Variants in ANK2 observed in about 807,000 individuals in gnomAD.
ANK2 encodes the protein ankyrin-2.
ANK2 carries 83 observed loss-of-function variants against 360.5 expected under a neutral mutation model. The ratio of observed to expected loss-of-function variants is 0.23; its 90% CI spans 0.19 to 0.28. ANK2 has a LOEUF of 0.28. Among genes scored for constraint, ANK2 ranks in the 10% least tolerant of loss-of-function variants. The probability of loss-of-function intolerance (pLI) is 1.00; values close to 1 mark genes in which losing one functional copy is unlikely to be tolerated. For missense variants in ANK2, 4,201 were observed against 4,795.7 expected (o/e 0.88, Z 3.66); for synonymous variants, 1,740 against 1,759.5 (o/e 0.99, Z 0.28).
chr4:112,854,331 C>A (rs1233902982), intron 1 of ANK2, among the ~76,000 whole-genome samples: 1 of 152,168 alleles, frequency 6.6e-6, no homozygotes, highest in Non-Finnish European at 1.5e-5. Flanking sequence ...ATTGACGAAA[C>A]AATCTGGCAT....
intron 27 of ANK2, among the ~76,000 whole-genome samples, chr4:113,330,818 C>T (rs906724207): frequency 6.6e-5 from 10 of 152,294 alleles, no homozygotes; most frequent in Admixed American, 1.3e-4. Context: ...AAAAATTCTG[C>T]TCTGTTCCAA....
At chr4:113,306,501 C>T (rs1471730682) in intron 23 of ANK2, among the ~76,000 whole-genome samples, 1 of 152,122 alleles carries the variant, frequency 6.6e-6, no homozygotes. Context: ...ATGATGAAAA[C>T]ATTTAAAACT....
intron 2 of ANK2, among the ~76,000 whole-genome samples, chr4:112,922,355 GT>G (rs1187923283): frequency 1.3e-5 from 2 of 152,078 alleles, no homozygotes; most frequent in African/African-American, 2.4e-5. Flanking sequence ...CTGTGACTGG[GT>G]TTTTTTACTA....
chr4:112,844,598 C>T (rs2062872779), intron 1 of ANK2, among the ~76,000 whole-genome samples: 1 of 152,068 alleles, frequency 6.6e-6, no homozygotes, highest in African/African-American at 2.4e-5. Flanking sequence ...TTAAGAAACT[C>T]ACAAAAATAT....
rs543417708 is a variant in ANK2 at position 113,165,704 on chromosome 4, A to G, written c.85-8712A>G. 5.3e-5 allele frequency among the ~76,000 whole-genome samples: 8 copies of G among 152,236 alleles called. No homozygotes were observed. The East Asian group carries it at 9.6e-4, about 18-fold the overall frequency. ...GATAGACTCTTTGGGAAGGAATATT[A>G]ACTTTTGCTACAGAGTTTAATGGCT... On this transcript the variant is annotated intron_variant, in intron 1 of 45. Transcript: ENST00000357077.
At chr4:112,756,789 A>G in the ANK2 span, among the ~76,000 whole-genome samples, 1 of 152,174 alleles carries the variant, frequency 6.6e-6, no homozygotes, top group Non-Finnish European at 1.5e-5. Flanking sequence ...CCTGGCCAAC[A>G]TAGTACAACC....
the ANK2 span, among the ~76,000 whole-genome samples, chr4:112,734,648 G>A: frequency 1.2e-4 from 19 of 152,226 alleles, no homozygotes; most frequent in African/African-American, 4.3e-4. Flanking sequence ...GTATTCTTAT[G>A]CCACGTATAA....
intron 2 of ANK2, among the ~76,000 whole-genome samples, chr4:112,916,387 G>T (rs1408713025): frequency 1.3e-5 from 2 of 152,162 alleles, no homozygotes; most frequent in Non-Finnish European, 2.9e-5. Context: ...AGAATGTGGG[G>T]TTATTAATCA....
chr4:112,795,762 A>G, the ANK2 span, among the ~76,000 whole-genome samples: 107 of 150,004 alleles, frequency 7.1e-4, 1 homozygote, highest in Non-Finnish European at 1.4e-3. Context: ...TCAGCCTCCC[A>G]AAGTGCTGGG....
intron 2 of ANK2, among the ~76,000 whole-genome samples, chr4:112,936,935 G>A (rs1353238185): frequency 2.6e-5 from 4 of 152,026 alleles, no homozygotes; most frequent in Non-Finnish European, 5.9e-5. Flanking sequence ...CTACAGGCAT[G>A]CACCATCGTG....
Position 113,348,340 on chromosome 4 carries a change from C to T in ANK2, c.4404+32C>T, listed in dbSNP as rs187469234. 356 of 1,607,894 alleles carry T rather than the reference C, an allele frequency of 2.2e-4. 4 individuals are homozygous for T. The East Asian group carries it at 7.9e-3, about 36-fold the overall frequency. ...TTATGACAGTGTCACTTGTTATCGG[C>T]TGTGTCATTGCTGTAACCACTAATA... On this transcript the variant is annotated intron_variant, in intron 36 of 45. Transcript: ENST00000357077.
intron 2 of ANK2, among the ~76,000 whole-genome samples, chr4:112,949,531 G>T (rs2094792024): frequency 6.6e-6 from 1 of 152,176 alleles, no homozygotes; most frequent in Non-Finnish European, 1.5e-5. Flanking sequence ...ACACAAAAGA[G>T]TTTAATTCCA....
At chr4:113,343,241 CAG>C in intron 34 of ANK2, 99 bp downstream of exon 34, 1 of 1,310,454 alleles carries the variant, frequency 7.6e-7, no homozygotes, top group Admixed American at 2.1e-5. Context: ...CAGTCATCTT[CAG>C]AGTTTTCTTT....
chr4:112,990,800 G>C (rs2046476037), intron 2 of ANK2, among the ~76,000 whole-genome samples: 2 of 152,136 alleles, frequency 1.3e-5, no homozygotes, highest in Non-Finnish European at 1.5e-5. Context: ...TGGTCATTTT[G>C]ATGTATCCAC....
chr4:112,916,387 G>A (rs1408713025), intron 2 of ANK2, among the ~76,000 whole-genome samples: 4 of 152,162 alleles, frequency 2.6e-5, no homozygotes, highest in African/African-American at 9.7e-5. Context: ...AGAATGTGGG[G>A]TTATTAATCA....
chr4:113,303,854 T>C (rs547214058), intron 23 of ANK2, among the ~76,000 whole-genome samples: 74 of 152,316 alleles, frequency 4.9e-4, no homozygotes, highest in African/African-American at 1.8e-3. Context: ...TGGCACTAGG[T>C]TTAATACTCA....
At chr4:113,048,308 T>C (rs1229642174), upstream of ANK2, among the ~76,000 whole-genome samples, 17 of 95,842 alleles carry the variant, frequency 1.8e-4, no homozygotes, top group African/African-American at 3.8e-4. Context: ...TTTTTTTTTT[T>C]CAAGGCGGAG....
intron 1 of ANK2, among the ~76,000 whole-genome samples, chr4:112,831,905 C>G (rs941856132): frequency 6.6e-5 from 10 of 152,118 alleles, no homozygotes; most frequent in Non-Finnish European, 1.3e-4. Context: ...ACTCCTGAGG[C>G]CAGCGAGACC....
At chr4:113,328,332 G>A (rs1377965443) in intron 26 of ANK2, among the ~76,000 whole-genome samples, 1 of 151,694 alleles carries the variant, frequency 6.6e-6, no homozygotes, top group East Asian at 1.9e-4. Flanking sequence ...TTTGGAAGTA[G>A]CACTAGTTGA....
Sources: allele counts gnomAD v4.1 joint callset (sites outside exome capture counted in the v4.1 genomes callset), GRCh38; gene constraint gnomAD v4.1.1; transcripts MANE v1.5; gene names NCBI Gene and HGNC (gene_info 2026-07-23, HGNC 2026-07-21).